The following LDB2 variants were observed in gnomAD, a reference collection of about 807,000 sequenced individuals.
The protein encoded by LDB2 is LIM domain binding 2.
LDB2 carries 12 observed loss-of-function variants against 44.3 expected under a neutral mutation model. That is an observed-to-expected ratio of 0.27 (90% CI 0.17 to 0.44). The LOEUF is 0.44. LDB2 is among the 20% of genes least tolerant of loss of function. The pLI, the probability that LDB2 is intolerant of heterozygous loss-of-function variation, is 1.00. For synonymous variants in LDB2, 164 were observed against 174.8 expected (o/e 0.94, Z 0.49); for missense variants, 344 against 473.5 (o/e 0.73, Z 2.54).
chr4:16,673,683 T>C (rs571249578), intron 2 of LDB2, among the ~76,000 whole-genome samples: 1 of 152,258 alleles, frequency 6.6e-6, no homozygotes, highest in Non-Finnish European at 1.5e-5. Flanking sequence ...TCTAGAGACA[T>C]TTTTGGTTGC....
chr4:16,683,016 C>T (rs1409703185), intron 2 of LDB2, among the ~76,000 whole-genome samples: 2 of 152,204 alleles, frequency 1.3e-5, no homozygotes, highest in African/African-American at 4.8e-5. Context: ...TTACAAATCT[C>T]TCTGGTAAAT....
chr4:16,781,622 C>T (rs1202345827), intron 1 of LDB2, among the ~76,000 whole-genome samples: 1 of 152,156 alleles, frequency 6.6e-6, no homozygotes, highest in African/African-American at 2.4e-5. Flanking sequence ...TCCCTCAGAA[C>T]ACTGATGCTC....
rs766017618 is a variant in LDB2 at position 16,588,734 on chromosome 4, G to A, written c.507C>T (p.Val169=). The A allele has an allele frequency of 1.2e-6, 2 of 1,613,902 alleles. No homozygotes were observed. Among genetic ancestry groups the A allele is most frequent in the Middle Eastern group, 1.6e-4 (1 of 6,062 alleles). Residue 169 remains valine (V), a synonymous_variant, in exon 4 of 8, where the codon GTC becomes GTT. Transcript: ENST00000304523. ...CATGCATGGCTAGGATGCTTCTCGG[G>A]ACTAACTCTCGGTATTGTCTAATGG... ...HFTIRQYREL[V]PRSILAMHAQ...
chr4:16,802,472 ACTT>A (rs1246972909), intron 1 of LDB2, among the ~76,000 whole-genome samples: 1 of 152,172 alleles, frequency 6.6e-6, no homozygotes, highest in East Asian at 1.9e-4. Flanking sequence ...TCCCATCAGA[ACTT>A]CTTGCTAGAG....
chr4:16,631,064 C>T (rs1244510867), intron 2 of LDB2, among the ~76,000 whole-genome samples: 5 of 152,186 alleles, frequency 3.3e-5, no homozygotes, highest in Non-Finnish European at 5.9e-5. Flanking sequence ...GACTTGAACT[C>T]AGCTCTGGAC....
chr4:16,827,437 G>A (rs942981516), intron 1 of LDB2, among the ~76,000 whole-genome samples: 1 of 152,038 alleles, frequency 6.6e-6, no homozygotes, highest in Non-Finnish European at 1.5e-5. Context: ...ACTTGGAAAA[G>A]CTAAAAAACC....
chr4:16,617,302 C>T (rs759498443), intron 2 of LDB2, among the ~76,000 whole-genome samples: 6 of 150,808 alleles, frequency 4.0e-5, no homozygotes, highest in East Asian at 1.9e-4. Context: ...AAACCCTCCC[C>T]GGGAAAAAAA....
chr4:16,721,251 A>G (rs1758218477), intron 2 of LDB2, among the ~76,000 whole-genome samples: 1 of 152,170 alleles, frequency 6.6e-6, no homozygotes, highest in Non-Finnish European at 1.5e-5. Flanking sequence ...CAGGCACACA[A>G]TACATGCAAG....
chr4:16,736,322 A>G (rs904909485), intron 2 of LDB2, among the ~76,000 whole-genome samples: 5 of 152,250 alleles, frequency 3.3e-5, no homozygotes, highest in Non-Finnish European at 5.9e-5. Context: ...AAATAGGGAA[A>G]TTAGACTCAA....
chr4:16,586,533 A>G (rs1717025774), intron 4 of LDB2, among the ~76,000 whole-genome samples: 1 of 125,850 alleles, frequency 7.9e-6, no homozygotes, highest in Non-Finnish European at 1.8e-5. Flanking sequence ...CACAAAACAC[A>G]CACACACACA....
chr4:16,778,317 T>C (rs1319729526), intron 1 of LDB2, among the ~76,000 whole-genome samples: 1 of 152,080 alleles, frequency 6.6e-6, no homozygotes, highest in Non-Finnish European at 1.5e-5. Flanking sequence ...GCAAGACAAA[T>C]ATGCTGCTTC....
At chr4:16,879,330 C>G (rs982274009) in intron 1 of LDB2, among the ~76,000 whole-genome samples, 9 of 152,132 alleles carry the variant, frequency 5.9e-5, no homozygotes, top group Non-Finnish European at 1.3e-4. Flanking sequence ...CTTGACTGAG[C>G]CAAAGGATGC....
At chr4:16,631,681 A>G (rs1382223389) in intron 2 of LDB2, among the ~76,000 whole-genome samples, 1 of 152,174 alleles carries the variant, frequency 6.6e-6, no homozygotes, top group East Asian at 1.9e-4. Context: ...AAATAGATAG[A>G]CTGCTAGCAA....
intron 1 of LDB2, among the ~76,000 whole-genome samples, chr4:16,765,753 G>T (rs1379767709): frequency 6.6e-6 from 1 of 152,214 alleles, no homozygotes; most frequent in Non-Finnish European, 1.5e-5. Flanking sequence ...GTGTTCGAGA[G>T]AAGTCTTCTC....
chr4:16,894,919 T>C (rs187134544), intron 1 of LDB2, among the ~76,000 whole-genome samples: 33 of 152,052 alleles, frequency 2.2e-4, no homozygotes, highest in African/African-American at 7.5e-4. Context: ...TTATTGGATG[T>C]GTAATATTGA....
chr4:16,761,477 A>G (rs1040173606), intron 1 of LDB2, among the ~76,000 whole-genome samples: 5 of 152,202 alleles, frequency 3.3e-5, no homozygotes, highest in Non-Finnish European at 7.3e-5. Context: ...GGCGTTTCAC[A>G]GTAAAGCAGT....
chr4:16,812,631 A>ATGTGTGTGGG (rs1780117262), intron 1 of LDB2, among the ~76,000 whole-genome samples: 1 of 126,024 alleles, frequency 7.9e-6, no homozygotes, highest in Non-Finnish European at 1.6e-5. Flanking sequence ...TATTAAATAT[A>ATGTGTGTGGG]TGTGTGTGTG....
chr4:16,821,529 G>A (rs1287717877), intron 1 of LDB2, among the ~76,000 whole-genome samples: 11 of 148,432 alleles, frequency 7.4e-5, no homozygotes, highest in East Asian at 4.0e-4. Context: ...GACTACAGGC[G>A]CCCGCCACCA....
chr4:16,643,565 G>T (rs534027998), intron 2 of LDB2, among the ~76,000 whole-genome samples: 1 of 152,042 alleles, frequency 6.6e-6, no homozygotes, highest in South Asian at 2.1e-4. Flanking sequence ...AACCAAGAAG[G>T]CAAATTATTC....
Sources: allele counts gnomAD v4.1 joint callset (sites outside exome capture counted in the v4.1 genomes callset), GRCh38; gene constraint gnomAD v4.1.1; transcripts MANE v1.5; gene names NCBI Gene and HGNC (gene_info 2026-07-23, HGNC 2026-07-21).